LSAMP: variants seen among roughly 807,000 people sequenced by gnomAD.
The protein encoded by LSAMP is limbic system-associated membrane protein.
LSAMP carries 7 observed loss-of-function variants against 38.6 expected under a neutral mutation model. That is an observed-to-expected ratio of 0.18 (90% CI 0.10 to 0.34). The LOEUF is 0.34. Ranked by LOEUF, LSAMP falls within the 10% of genes least tolerant of loss-of-function variation. LSAMP has a pLI of 1.00. For synonymous variants in LSAMP, 154 were observed against 166.8 expected, an observed-to-expected ratio of 0.92 and a Z score of 0.59; for missense variants, 313 against 420.0, an observed-to-expected ratio of 0.75 and a Z score of 2.23.
intron 2 of LSAMP, among the ~76,000 whole-genome samples, chr3:116,036,542 A>C (rs1408881848): frequency 1.3e-5 from 2 of 152,124 alleles, no homozygotes; most frequent in African/African-American, 4.8e-5. Context: ...GTTATCTGTG[A>C]GCCCACCCCA....
chr3:116,135,574 T>C (rs1176915779), intron 1 of LSAMP, among the ~76,000 whole-genome samples: 2 of 152,144 alleles, frequency 1.3e-5, no homozygotes, highest in African/African-American at 4.8e-5. Flanking sequence ...ACAAGCTGGG[T>C]GCAGCCCTAC....
At chr3:115,916,745 A>G (rs1346004544) in intron 3 of LSAMP, among the ~76,000 whole-genome samples, 1 of 152,208 alleles carries the variant, frequency 6.6e-6, no homozygotes, top group African/African-American at 2.4e-5. Context: ...CTATTCTTCT[A>G]TTGCAGATGG....
At chr3:116,431,260 T>C (rs969677063) in intron 1 of LSAMP, among the ~76,000 whole-genome samples, 3 of 152,062 alleles carry the variant, frequency 2.0e-5, no homozygotes, top group African/African-American at 2.4e-5. Flanking sequence ...AATAAGTCTA[T>C]TGGAAGCCTG....
intron 1 of LSAMP, among the ~76,000 whole-genome samples, chr3:116,221,389 G>A (rs961386462): frequency 1.3e-5 from 2 of 152,140 alleles, no homozygotes; most frequent in African/African-American, 4.8e-5. Flanking sequence ...AGAACCTCAG[G>A]ATTCCAAGCT....
intron 1 of LSAMP, among the ~76,000 whole-genome samples, chr3:116,208,459 TGGA>T (rs1409052330): frequency 2.6e-5 from 4 of 152,352 alleles, no homozygotes; most frequent in Admixed American, 2.6e-4. Context: ...TGCATTCCTT[TGGA>T]GGAGGAGAAG....
intron 3 of LSAMP, among the ~76,000 whole-genome samples, chr3:115,992,129 T>TA (rs1939687529): frequency 6.6e-6 from 1 of 152,088 alleles, no homozygotes; most frequent in Non-Finnish European, 1.5e-5. Context: ...TAAAATATGT[T>TA]ATAAAGTATT....
chr3:116,294,873 T>A (rs993826931), intron 1 of LSAMP, among the ~76,000 whole-genome samples: 2 of 152,180 alleles, frequency 1.3e-5, no homozygotes, highest in African/African-American at 4.8e-5. Context: ...AAATTCAATT[T>A]GTCACCAACT....
intron 3 of LSAMP, among the ~76,000 whole-genome samples, chr3:116,008,521 T>C (rs967458365): frequency 6.6e-6 from 1 of 152,208 alleles, no homozygotes. Flanking sequence ...ATGAGAAAAG[T>C]AGCTACTGTC....
chr3:115,998,592 A>G (rs1399278013), intron 3 of LSAMP, among the ~76,000 whole-genome samples: 1 of 152,142 alleles, frequency 6.6e-6, no homozygotes, highest in African/African-American at 2.4e-5. Flanking sequence ...GCTTAGATGT[A>G]CCATCTCAGG....
chr3:116,018,991 A>G (rs548384753), intron 3 of LSAMP, among the ~76,000 whole-genome samples: 1 of 152,314 alleles, frequency 6.6e-6, no homozygotes, highest in Admixed American at 6.5e-5. Flanking sequence ...ACAAGGTGCT[A>G]CAAGTTAGAA....
At chr3:115,859,006 A>T (rs1935592047) in intron 3 of LSAMP, among the ~76,000 whole-genome samples, 1 of 152,188 alleles carries the variant, frequency 6.6e-6, no homozygotes, top group African/African-American at 2.4e-5. Context: ...TCTACACAAA[A>T]ATGCTAAGGA....
chr3:115,862,409 A>G (rs971269908), intron 3 of LSAMP, among the ~76,000 whole-genome samples: 1 of 152,326 alleles, frequency 6.6e-6, no homozygotes, highest in African/African-American at 2.4e-5. Context: ...AAAGCAGACA[A>G]TAACCCCGTC....
intron 1 of LSAMP, among the ~76,000 whole-genome samples, chr3:116,424,532 C>A (rs551466349): frequency 9.9e-5 from 15 of 152,158 alleles, no homozygotes; most frequent in African/African-American, 3.4e-4. Flanking sequence ...ACAGGACAAC[C>A]CAGAATACGG....
chr3:115,975,510 G>A (rs1408573032), intron 3 of LSAMP, among the ~76,000 whole-genome samples: 1 of 152,132 alleles, frequency 6.6e-6, no homozygotes, highest in Admixed American at 6.5e-5. Context: ...TGAGAAATCA[G>A]TTTCAATATC....
chr3:115,974,763 A>G (rs1188067400), intron 3 of LSAMP, among the ~76,000 whole-genome samples: 1 of 152,170 alleles, frequency 6.6e-6, no homozygotes, highest in Non-Finnish European at 1.5e-5. Flanking sequence ...AGTAATAGAT[A>G]TTAACAGTGT....
intron 1 of LSAMP, among the ~76,000 whole-genome samples, chr3:116,374,253 T>A (rs907174129): frequency 8.6e-5 from 13 of 151,920 alleles, no homozygotes; most frequent in Non-Finnish European, 1.6e-4. Context: ...CATAGGCATT[T>A]TCAATAAAAT....
chr3:116,415,819 C>G (rs1314224572), intron 1 of LSAMP, among the ~76,000 whole-genome samples: 3 of 152,090 alleles, frequency 2.0e-5, no homozygotes, highest in Non-Finnish European at 2.9e-5. Flanking sequence ...ACTATATCAA[C>G]AAGGCTTTGG....
At chr3:116,298,879 T>C (rs909509712) in intron 1 of LSAMP, among the ~76,000 whole-genome samples, 2 of 152,176 alleles carry the variant, frequency 1.3e-5, no homozygotes, top group Non-Finnish European at 2.9e-5. Context: ...ACACAATCTA[T>C]CTTTGTAGAG....
At chr3:115,933,545 C>T (rs975659549) in intron 3 of LSAMP, among the ~76,000 whole-genome samples, 4 of 152,118 alleles carry the variant, frequency 2.6e-5, no homozygotes, top group Admixed American at 6.5e-5. Flanking sequence ...AATTGAGACC[C>T]GTAACATGAG....
Sources: allele counts gnomAD v4.1 joint callset (sites outside exome capture counted in the v4.1 genomes callset), GRCh38; gene constraint gnomAD v4.1.1; transcripts MANE v1.5; gene names NCBI Gene and HGNC (gene_info 2026-07-23, HGNC 2026-07-21).